Variants in DPYD observed in about 807,000 individuals in gnomAD.
DPYD encodes the protein dihydropyrimidine dehydrogenase [NADP(+)].
In DPYD, 109 loss-of-function variants were observed where a neutral mutation model predicts 116.2. That is an observed-to-expected ratio of 0.94 (90% CI 0.80 to 1.10). The LOEUF (loss-of-function observed/expected upper bound fraction) is 1.10. DPYD is among the 50% of genes least tolerant of loss of function. The pLI is 0.00. For missense variants in DPYD, 1,302 were observed against 1,254.5 expected, an observed-to-expected ratio of 1.04 and a Z score of -0.57; for synonymous variants, 440 against 432.0, an observed-to-expected ratio of 1.02 and a Z score of -0.23.
chr1:97,363,682 C>G (rs549291268), intron 16 of DPYD, among the ~76,000 whole-genome samples: 1 of 152,148 alleles, frequency 6.6e-6, no homozygotes, highest in African/African-American at 2.4e-5. Context: ...AACCATCATT[C>G]TGAGCAAACT....
At chr1:97,099,275 G>T (rs1386688853) in intron 20 of DPYD, among the ~76,000 whole-genome samples, 2 of 152,072 alleles carry the variant, frequency 1.3e-5, no homozygotes, top group Non-Finnish European at 2.9e-5. Context: ...AAATAGAAAT[G>T]AAAAGGAGAG....
chr1:97,353,833 C>G (rs1670276027), intron 16 of DPYD, among the ~76,000 whole-genome samples: 1 of 152,144 alleles, frequency 6.6e-6, no homozygotes, highest in Non-Finnish European at 1.5e-5. Context: ...AATGCATCAT[C>G]AAGATATCTA....
intron 8 of DPYD, among the ~76,000 whole-genome samples, chr1:97,611,502 A>G (rs910506142): frequency 6.6e-6 from 1 of 152,096 alleles, no homozygotes; most frequent in Non-Finnish European, 1.5e-5. Flanking sequence ...TCAAGTAAAT[A>G]TAAGGTGTTC....
intron 2 of DPYD, among the ~76,000 whole-genome samples, chr1:97,843,233 T>G (rs957481551): frequency 6.6e-6 from 1 of 152,126 alleles, no homozygotes; most frequent in African/African-American, 2.4e-5. Flanking sequence ...ATTTAACCAA[T>G]TTTTACCATA....
intron 10 of DPYD, among the ~76,000 whole-genome samples, chr1:97,588,367 G>T (rs1654289138): frequency 6.6e-6 from 1 of 151,984 alleles, no homozygotes; most frequent in Non-Finnish European, 1.5e-5. Context: ...GTGTGGGATT[G>T]TGCTATTAAA....
At chr1:97,188,599 G>A (rs1483626118) in intron 20 of DPYD, among the ~76,000 whole-genome samples, 1 of 152,128 alleles carries the variant, frequency 6.6e-6, no homozygotes, top group Non-Finnish European at 1.5e-5. Context: ...TAGGAACCAT[G>A]GGCTGTAATA....
At chr1:97,479,720 C>A (rs1339343595) in intron 13 of DPYD, among the ~76,000 whole-genome samples, 1 of 152,060 alleles carries the variant, frequency 6.6e-6, no homozygotes, top group Non-Finnish European at 1.5e-5. Context: ...TGAAGTGCAA[C>A]AAAGCAAAGC....
intron 4 of DPYD, among the ~76,000 whole-genome samples, chr1:97,729,211 C>T (rs1346131130): frequency 6.6e-6 from 1 of 152,028 alleles, no homozygotes; most frequent in Non-Finnish European, 1.5e-5. Context: ...AGCACGTGCA[C>T]ACATACACAC....
chr1:97,184,098 G>A (rs887686821), intron 20 of DPYD, among the ~76,000 whole-genome samples: 2 of 151,996 alleles, frequency 1.3e-5, no homozygotes, highest in South Asian at 2.1e-4. Context: ...GACACATCTC[G>A]TTCCTTTTTA....
At chr1:97,818,349 CAATT>C (rs1284278766) in intron 3 of DPYD, among the ~76,000 whole-genome samples, 2 of 151,886 alleles carry the variant, frequency 1.3e-5, no homozygotes, top group African/African-American at 2.4e-5. Flanking sequence ...TAATTAATAA[CAATT>C]AATTGTGTTA....
intron 16 of DPYD, among the ~76,000 whole-genome samples, chr1:97,339,413 C>A (rs1452778619): frequency 2.6e-5 from 4 of 152,056 alleles, no homozygotes; most frequent in African/African-American, 4.8e-5. Flanking sequence ...GAAAAAAATT[C>A]TTTCTTCTAC....
chr1:97,829,750 T>C (rs144754177), intron 2 of DPYD, among the ~76,000 whole-genome samples: 1 of 152,254 alleles, frequency 6.6e-6, no homozygotes, highest in African/African-American at 2.4e-5. Context: ...ATCTTTTTTT[T>C]ATTTCTTTTT....
chr1:97,866,895 A>C (rs1015476070), intron 2 of DPYD, among the ~76,000 whole-genome samples: 1 of 151,882 alleles, frequency 6.6e-6, no homozygotes, highest in Non-Finnish European at 1.5e-5. Context: ...CAAGGAAGCC[A>C]GAAGACAGTG....
chr1:97,628,748 C>G (rs1244629345), intron 8 of DPYD, among the ~76,000 whole-genome samples: 1 of 151,944 alleles, frequency 6.6e-6, no homozygotes, highest in Non-Finnish European at 1.5e-5. Flanking sequence ...TCAGCACCAC[C>G]TCTTCATTAT....
intron 18 of DPYD, among the ~76,000 whole-genome samples, chr1:97,258,084 G>A (rs1000396009): frequency 2.0e-5 from 3 of 152,178 alleles, no homozygotes; most frequent in Admixed American, 6.6e-5. Context: ...GGAATGTTAG[G>A]TGTGTCGTAG....
intron 8 of DPYD, among the ~76,000 whole-genome samples, chr1:97,614,919 G>A (rs902367970): frequency 1.7e-4 from 26 of 151,996 alleles, no homozygotes; most frequent in African/African-American, 5.3e-4. Context: ...CACAATCAAA[G>A]CCGCCTCTTT....
At chr1:97,142,121 G>A (rs1048603188) in intron 20 of DPYD, among the ~76,000 whole-genome samples, 1 of 152,122 alleles carries the variant, frequency 6.6e-6, no homozygotes, top group African/African-American at 2.4e-5. Context: ...AATGCAGAGA[G>A]AATAGAAATG....
intron 3 of DPYD, among the ~76,000 whole-genome samples, chr1:97,815,092 GAAGAGAAGAGAAAAGA>G (rs1557982798): frequency 2.1e-4 from 2 of 9,348 alleles, no homozygotes; most frequent in Non-Finnish European, 6.1e-4. Flanking sequence ...AAAGAAAAGA[GAAGAGAAGAGAAAAGA>G]GAAGAGAAGA....
At chr1:97,717,496 G>GT (rs1388080969) in intron 5 of DPYD, among the ~76,000 whole-genome samples, 2 of 151,780 alleles carry the variant, frequency 1.3e-5, no homozygotes, top group East Asian at 3.9e-4. Flanking sequence ...TGTTACACTG[G>GT]TAAGTTCTTT....
Sources: gnomAD v4.1 joint callset for allele counts (sites outside exome capture counted in the v4.1 genomes callset) on GRCh38, gnomAD v4.1.1 for gene constraint, MANE v1.5 for transcripts, NCBI Gene and HGNC (gene_info 2026-07-23, HGNC 2026-07-21) for gene names.